ELP3: variants seen among roughly 807,000 people sequenced by gnomAD.
ELP3 encodes elongator complex protein 3.
In ELP3, 56 loss-of-function variants were observed where a neutral mutation model predicts 74.9. The ratio of observed to expected loss-of-function variants is 0.75; its 90% confidence interval spans 0.60 to 0.93. The LOEUF (loss-of-function observed/expected upper bound fraction) is 0.93. Ranked by LOEUF, ELP3 falls within the 40% of genes least tolerant of loss-of-function variation. ELP3 has a pLI of 0.00. For missense variants in ELP3, 573 were observed against 686.5 expected, an observed-to-expected ratio of 0.83 and a Z score of 1.85; for synonymous variants, 222 against 239.8, an observed-to-expected ratio of 0.93 and a Z score of 0.68.
chr8:28,138,985 A>G (rs138864957), intron 10 of ELP3, among the ~76,000 whole-genome samples: 3 of 152,282 alleles, frequency 2.0e-5, no homozygotes, highest in African/African-American at 7.2e-5. Flanking sequence ...ATTCAGTCCA[A>G]AGGACATTAG....
At chr8:28,134,173 G>T (rs4732826) in intron 9 of ELP3, among the ~76,000 whole-genome samples, 89,197 of 151,928 alleles carry the variant, frequency 0.59, 28,134 homozygotes, top group East Asian at 0.92. Flanking sequence ...GAAACACACT[G>T]TTCTTTAGCA....
intron 7 of ELP3, among the ~76,000 whole-genome samples, chr8:28,127,162 A>G (rs1812608742): frequency 6.6e-6 from 1 of 152,216 alleles, no homozygotes; most frequent in South Asian, 2.1e-4. Context: ...CCTGTACTAT[A>G]TTCTGATGAC....
intron 14 of ELP3, among the ~76,000 whole-genome samples, chr8:28,177,522 GTTT>G (rs1814809101): frequency 6.6e-6 from 1 of 152,274 alleles, no homozygotes; most frequent in African/African-American, 2.4e-5. Context: ...AGTTTAATTT[GTTT>G]TTATTTCACT....
chr8:28,096,823 T>C (rs536137889), intron 1 of ELP3, among the ~76,000 whole-genome samples: 1 of 152,380 alleles, frequency 6.6e-6, no homozygotes, highest in South Asian at 2.1e-4. Context: ...TGCATCTAAA[T>C]GTTCTTTATG....
chr8:28,158,780 C>T (rs1813947580), intron 12 of ELP3, 147 bp downstream of exon 12: 4 of 659,742 alleles, frequency 6.1e-6, no homozygotes, highest in South Asian at 4.3e-5. Context: ...CGGTGTCAAA[C>T]CGTGAAAGCC....
upstream of ELP3, among the ~76,000 whole-genome samples, chr8:28,091,952 A>G (rs1811065419): frequency 6.6e-6 from 1 of 152,224 alleles, no homozygotes; most frequent in African/African-American, 2.4e-5. Flanking sequence ...GACAAAGTAA[A>G]CATAGAGGAA....
intron 11 of ELP3, 29 bp from the exon 12 acceptor site, chr8:28,158,539 A>AC: frequency 6.4e-7 from 1 of 1,574,306 alleles, no homozygotes; most frequent in Admixed American, 1.7e-5. Context: ...CCACCCCCCA[A>AC]CCCCGCTCAC....
intron 14 of ELP3, among the ~76,000 whole-genome samples, chr8:28,188,027 G>T (rs1291515841): frequency 1.3e-5 from 2 of 152,166 alleles, no homozygotes; most frequent in Non-Finnish European, 2.9e-5. Flanking sequence ...AGGGCAGCCA[G>T]CGAGCTAGAG....
In ELP3 at chr8:28,097,449, G is replaced by A. The variant is rs73573262; in HGVS notation, c.119+131G>A. On this transcript the variant is annotated intron_variant, in intron 2 of 14. Coordinates refer to ENST00000256398, the MANE Select transcript of ELP3 (RefSeq NM_018091.6). ...GAATTTTAGCTTTCTGCCTTGCCTT[G>A]TCATTCATTTCTTTTTTTTTTTTTG... The A allele has an allele frequency of 1.2e-4, 68 of 550,974 alleles. No individual in the cohort carries two copies. In the African/African-American group the frequency reaches 1.3e-3, roughly 10 times the overall value. The allele number at this position is 550,974 out of a possible 1,614,324, so 34.1% of individuals were successfully genotyped here. A position where few individuals can be genotyped will look rare whatever the true frequency, so the allele number is the denominator to read the frequency against.
In ELP3 at chr8:28,137,735, T is replaced by A; in HGVS notation, c.944T>A (p.Leu315Gln). The change falls in exon 10 of 15, where the codon CTG becomes CAG. Residue 315 changes from leucine to glutamine, a missense_variant. By Grantham distance (113) the Leu-to-Gln change is moderately radical (BLOSUM62 -2). Coordinates refer to ENST00000256398, the MANE Select transcript of ELP3 (RefSeq NM_018091.6). ...FENPAFRPDG[L>Q]KLYPTLVIRG... ...AACCCTGCTTTTCGTCCCGATGGGCTGAAACTCTATCCTACCCTGGTGATT... is the reference window on the plus strand; with the variant it reads ...AACCCTGCTTTTCGTCCCGATGGGCAGAAACTCTATCCTACCCTGGTGATT... 6.2e-7 allele frequency: 1 copy of A among 1,613,452 alleles called. No individual in the cohort carries two copies. Among genetic ancestry groups the A allele is most frequent in the Non-Finnish European group, 8.5e-7 (1 of 1,179,872 alleles).
intron 3 of ELP3, among the ~76,000 whole-genome samples, chr8:28,106,204 A>T (rs931759516): frequency 6.6e-6 from 1 of 152,220 alleles, no homozygotes; most frequent in Non-Finnish European, 1.5e-5. Context: ...AAGATGATTA[A>T]TATTGAACAG....
chr8:28,170,168 A>G (rs894510866), intron 14 of ELP3, among the ~76,000 whole-genome samples: 1 of 152,194 alleles, frequency 6.6e-6, no homozygotes, highest in Non-Finnish European at 1.5e-5. Flanking sequence ...GGTCAGAGTC[A>G]CTGGGCCAGG....
chr8:28,183,081 C>T, intron 14 of ELP3: 1 of 454,526 alleles, frequency 2.2e-6, no homozygotes, highest in East Asian at 7.0e-5. Flanking sequence ...TAACCCCTTT[C>T]CATGGGTCTA....
At chr8:28,124,173 A>C (rs1812484876) in intron 7 of ELP3, among the ~76,000 whole-genome samples, 1 of 152,212 alleles carries the variant, frequency 6.6e-6, no homozygotes, top group Non-Finnish European at 1.5e-5. Context: ...TTAATAGGGA[A>C]TATCTTCTTA....
In ELP3 at chr8:28,156,020, C is replaced by G; in HGVS notation, c.1179C>G (p.Asp393Glu). The G allele has an allele frequency of 6.2e-7, 1 of 1,613,432 alleles. No homozygotes were observed. The highest frequency in any genetic ancestry group is 8.5e-7 in the Non-Finnish European group (1 of 1,179,498). ...AGCTGGCACTTGCAAGAATGAAAGA[C>G]CTCGGAATACAGGTAAGAGCAAATA... ...LRELALARMK[D>E]LGIQCRDVRT... Residue 393 changes from aspartate (D) to glutamate (E), a missense_variant, in exon 11 of 15, where the codon GAC becomes GAG. Physicochemically the swap from Asp to Glu is conservative, Grantham distance 45. Coordinates refer to ENST00000256398, the MANE Select transcript of ELP3 (RefSeq NM_018091.6).
upstream of ELP3, among the ~76,000 whole-genome samples, chr8:28,091,091 G>A (rs1333419195): frequency 3.3e-5 from 5 of 151,710 alleles, no homozygotes; most frequent in Admixed American, 6.6e-5. Flanking sequence ...TATTTTTAGT[G>A]GAGACGGGGT....
chr8:28,137,675 C>A (rs375854954), intron 9 of ELP3, 23 bp from the exon 10 acceptor site: 335 of 1,605,312 alleles, frequency 2.1e-4, no homozygotes, highest in Non-Finnish European at 2.7e-4. Context: ...ATGGAGAAGT[C>A]ATTTTCTGTT....
At chr8:28,176,918 G>C (rs1178518921) in intron 14 of ELP3, among the ~76,000 whole-genome samples, 1 of 151,964 alleles carries the variant, frequency 6.6e-6, no homozygotes, top group Non-Finnish European at 1.5e-5. Context: ...CACATCATAG[G>C]CCAGACTCCC....
chr8:28,119,475 G>A (rs1812269002), intron 7 of ELP3, among the ~76,000 whole-genome samples: 1 of 150,196 alleles, frequency 6.7e-6, no homozygotes, highest in Non-Finnish European at 1.5e-5. Flanking sequence ...CTTCTCCCGG[G>A]ATACTTCATC....
Sources: allele counts gnomAD v4.1 joint callset (sites outside exome capture counted in the v4.1 genomes callset), GRCh38; gene constraint gnomAD v4.1.1; transcripts MANE v1.5; gene names NCBI Gene and HGNC (gene_info 2026-07-23, HGNC 2026-07-21).